The following MYPN variants were observed in gnomAD, a reference collection of about 807,000 sequenced individuals.
The protein encoded by MYPN is sarcomeric protein myopalladin, 145 kDa (MYOP).
In MYPN, 63 loss-of-function variants were observed where a neutral mutation model predicts 129.4. That is an observed-to-expected ratio of 0.49 (90% CI 0.40 to 0.60). MYPN has a LOEUF of 0.60. MYPN is among the 20% of genes least tolerant of loss of function. The probability of loss-of-function intolerance (pLI) is 0.00; values close to 1 mark genes in which losing one functional copy is unlikely to be tolerated. For missense variants in MYPN, 1,596 were observed against 1,635.4 expected, an observed-to-expected ratio of 0.98 and a Z score of 0.42; for synonymous variants, 629 against 600.9, an observed-to-expected ratio of 1.05 and a Z score of -0.68.
intron 12 of MYPN, 116 bp from the exon 13 acceptor site, chr10:68,188,789 G>T: frequency 1.2e-6 from 1 of 851,754 alleles, no homozygotes; most frequent in Admixed American, 2.0e-5. Context: ...TGGTTCATTT[G>T]GATTTCATGG....
At chr10:68,175,567 T>C in intron 12 of MYPN, 106 bp downstream of exon 12, 1 of 1,255,694 alleles carries the variant, frequency 8.0e-7, no homozygotes, top group Non-Finnish European at 1.2e-6. Context: ...AGGCTGATGT[T>C]GCAGCTCAGA....
chr10:68,150,699 C>T (rs72795411), intron 6 of MYPN, among the ~76,000 whole-genome samples: 4,487 of 152,246 alleles, frequency 0.029, 109 homozygotes, highest in Non-Finnish European at 0.041. Flanking sequence ...GCCAATGTCA[C>T]AGATCCAGTT....
intron 2 of MYPN, among the ~76,000 whole-genome samples, chr10:68,133,165 A>G (rs903731077): frequency 3.3e-5 from 5 of 151,436 alleles, no homozygotes; most frequent in Non-Finnish European, 7.4e-5. Context: ...AGCTGGGATT[A>G]CAGGTGCCTG....
chr10:68,205,790 T>C (rs986035521), intron 18 of MYPN, among the ~76,000 whole-genome samples: 2 of 152,214 alleles, frequency 1.3e-5, no homozygotes, highest in Admixed American at 1.3e-4. Context: ...AAGTGTTTAC[T>C]AAAGAAATAT....
chr10:68,131,114 T>TG (rs1564652673), intron 2 of MYPN, among the ~76,000 whole-genome samples: 8 of 151,920 alleles, frequency 5.3e-5, no homozygotes, highest in African/African-American at 1.9e-4. Context: ...CTAGGCCGGG[T>TG]GTGGGGGCTC....
intron 6 of MYPN, 152 bp downstream of exon 6, chr10:68,150,263 T>G: frequency 1.5e-6 from 1 of 673,988 alleles, no homozygotes; most frequent in Non-Finnish European, 2.6e-6. Flanking sequence ...TACTACAGTA[T>G]CGCTTCAAGT....
rs753375562 is a variant in MYPN at position 68,165,832 on chromosome 10, A to C, written c.1600+14A>C. On this transcript the variant is annotated intron_variant, in intron 9 of 19. Coordinates refer to ENST00000358913, the MANE Select transcript of MYPN (RefSeq NM_032578.4). ...TGCACGTGAGAGGTAAGGACTCTTT[A>C]ATGCTAGAACAGTTTAGCCTATGAC... 3.8e-6 allele frequency: 6 copies of C among 1,594,248 alleles called. No homozygotes were observed. Among genetic ancestry groups the C allele is most frequent in the Admixed American group, 1.7e-5 (1 of 59,992 alleles).
At chr10:68,099,453 GGTGACACCCA>G (rs1265557629) in intron 1 of MYPN, among the ~76,000 whole-genome samples, 1 of 152,022 alleles carries the variant, frequency 6.6e-6, no homozygotes, top group Admixed American at 6.6e-5. Flanking sequence ...TGGCCAACAT[GGTGACACCCA>G]GTCTCTATTA....
chr10:68,200,471 C>T (rs1190991349), intron 17 of MYPN, among the ~76,000 whole-genome samples: 3 of 152,032 alleles, frequency 2.0e-5, no homozygotes, highest in Non-Finnish European at 4.4e-5. Flanking sequence ...TTAAGAAAAT[C>T]AGGGTGTGGG....
intron 13 of MYPN, among the ~76,000 whole-genome samples, 161 bp from the exon 14 acceptor site, chr10:68,194,202 A>G (rs1400260595): frequency 1.3e-5 from 2 of 152,158 alleles, no homozygotes; most frequent in East Asian, 3.8e-4. Context: ...GGGGCATATT[A>G]TACAGCCATT....
chr10:68,189,793 T>C (rs2043482414), intron 13 of MYPN, among the ~76,000 whole-genome samples: 1 of 152,380 alleles, frequency 6.6e-6, no homozygotes, highest in South Asian at 2.1e-4. Flanking sequence ...GTTGATTCTG[T>C]AACTTGGCTA....
At chr10:68,207,249 C>T (rs778490459) in intron 19 of MYPN, among the ~76,000 whole-genome samples, 20 of 152,140 alleles carry the variant, frequency 1.3e-4, no homozygotes, top group African/African-American at 1.9e-4. Flanking sequence ...CAGAACAAGA[C>T]TCTGCCTCAA....
At chr10:68,101,100 T>A (rs2041979699) in intron 1 of MYPN, among the ~76,000 whole-genome samples, 1 of 152,184 alleles carries the variant, frequency 6.6e-6, no homozygotes, top group Non-Finnish European at 1.5e-5. Context: ...TGCCTTGAGA[T>A]TAGAACTGAG....
intron 1 of MYPN, among the ~76,000 whole-genome samples, chr10:68,113,678 C>G (rs187694557): frequency 7.0e-6 from 1 of 142,694 alleles, no homozygotes; most frequent in East Asian, 2.1e-4. Flanking sequence ...GCCTGGGTGA[C>G]AGAGTGAGAT....
intron 4 of MYPN, among the ~76,000 whole-genome samples, chr10:68,145,869 C>T (rs1366653516): frequency 6.6e-6 from 1 of 152,162 alleles, no homozygotes; most frequent in Non-Finnish European, 1.5e-5. Flanking sequence ...GAGTAAATGA[C>T]TCCTCTTTTA....
At chr10:68,106,547 GT>G (rs1299656354), upstream of MYPN, 2 of 671,422 alleles carry the variant, frequency 3.0e-6, no homozygotes, top group Admixed American at 4.4e-5. Flanking sequence ...TAGAGGTTTT[GT>G]TTAGTTTTTT....
At chr10:68,140,833 A>C (rs2134058614) in intron 2 of MYPN, among the ~76,000 whole-genome samples, 1 of 151,764 alleles carries the variant, frequency 6.6e-6, no homozygotes, top group South Asian at 2.1e-4. Flanking sequence ...AGCACTTTGG[A>C]AGGCCAAGGC....
chr10:68,165,873 G>A, intron 9 of MYPN, 55 bp downstream of exon 9: 1 of 1,403,916 alleles, frequency 7.1e-7, no homozygotes, highest in Non-Finnish European at 1.0e-6. Flanking sequence ...GTGTGAATAT[G>A]CAGATTTTGT....
rs758319270 is a variant in MYPN at position 68,121,393 on chromosome 10, C to A, written c.-1-45C>A. 3 of 1,562,210 alleles carry A rather than the reference C, an allele frequency of 1.9e-6. No homozygotes were observed. In the South Asian group the frequency reaches 3.5e-5, roughly 18 times the overall value. The stretch of plus-strand genomic sequence containing the variant: ...CTATAATAGACATAGACTTGTTATT[C>A]CCTAGAAATGATCCAAACTTTTTGT... On this transcript the variant is annotated intron_variant, in intron 1 of 19. Transcript: ENST00000358913.
Sources: allele counts gnomAD v4.1 joint callset (sites outside exome capture counted in the v4.1 genomes callset), GRCh38; gene constraint gnomAD v4.1.1; transcripts MANE v1.5; gene names NCBI Gene and HGNC (gene_info 2026-07-23, HGNC 2026-07-21).